GPR21: variants seen among roughly 807,000 people sequenced by gnomAD.
The protein encoded by GPR21 is G protein-coupled receptor 21.
A neutral mutation model predicts 21.5 loss-of-function variants in GPR21; 9 were observed. The ratio of observed to expected loss-of-function variants is 0.42; its 90% CI spans 0.25 to 0.73. GPR21 has a LOEUF of 0.73. GPR21 is among the 30% of genes least tolerant of loss of function. GPR21 has a pLI of 0.27. For missense variants in GPR21, 416 were observed against 428.9 expected (o/e 0.97, Z 0.27); for synonymous variants, 169 against 159.3 (o/e 1.06, Z -0.46).
chr9:123,045,898 C>T, the GPR21 span, among the ~76,000 whole-genome samples: 1 of 152,086 alleles, frequency 6.6e-6, no homozygotes, highest in African/African-American at 2.4e-5. Context: ...TACTTGGGGG[C>T]ATTGTAGGAA....
downstream of GPR21, among the ~76,000 whole-genome samples, chr9:123,038,674 A>C (rs2132012254): frequency 6.6e-6 from 1 of 152,156 alleles, no homozygotes; most frequent in Admixed American, 6.5e-5. Flanking sequence ...AGTCCTCATA[A>C]ATCATTTTGT....
chr9:123,035,765 C>T (rs971755715), downstream of GPR21: 6 of 547,146 alleles, frequency 1.1e-5, no homozygotes, highest in East Asian at 2.9e-5. Flanking sequence ...ACAAATTATT[C>T]GTATGGATAC....
At chr9:123,047,625 T>C in the GPR21 span, among the ~76,000 whole-genome samples, 3 of 152,144 alleles carry the variant, frequency 2.0e-5, no homozygotes, top group African/African-American at 7.2e-5. Context: ...GATTCTTCCA[T>C]AGAAAAATTA....
chr9:123,035,639 C>CGTGTGT (rs5900552), exon 2 of GPR21: 781 of 733,286 alleles, frequency 1.1e-3, 4 homozygotes, highest in African/African-American at 0.013. Flanking sequence ...ACGGGGTTCC[C>CGTGTGT]GTGTGTGTGT....
At chr9:123,048,089 A>G in the GPR21 span, among the ~76,000 whole-genome samples, 1 of 151,776 alleles carries the variant, frequency 6.6e-6, no homozygotes, top group Non-Finnish European at 1.5e-5. Context: ...ACAGGTGTGC[A>G]TCACCACGCC....
At chr9:123,045,551 T>G in the GPR21 span, among the ~76,000 whole-genome samples, 3 of 152,204 alleles carry the variant, frequency 2.0e-5, no homozygotes, top group Non-Finnish European at 2.9e-5. Flanking sequence ...TAAAACAAAA[T>G]GTAGATCCTA....
chr9:123,044,746 A>G, the GPR21 span, among the ~76,000 whole-genome samples: 1 of 152,098 alleles, frequency 6.6e-6, no homozygotes, highest in South Asian at 2.1e-4. Flanking sequence ...AATGCCATGT[A>G]GTGTTCAAAG....
At chr9:123,044,436 A>G in the GPR21 span, among the ~76,000 whole-genome samples, 9 of 152,216 alleles carry the variant, frequency 5.9e-5, no homozygotes, top group African/African-American at 1.9e-4. Context: ...CTCTTTTCCA[A>G]TTATGGGAAT....
chr9:123,037,456 A>G (rs2032722817), downstream of GPR21, among the ~76,000 whole-genome samples: 1 of 152,212 alleles, frequency 6.6e-6, no homozygotes, highest in Non-Finnish European at 1.5e-5. Context: ...ATTGCAAGTT[A>G]TGTTAGAAAT....
rs1039958352 is a variant in GPR21, at chr9:123,034,713, G to T, written c.147G>T (p.Val49=). 5.0e-6 allele frequency: 8 copies of T among 1,613,780 alleles called. No homozygotes were observed. The highest frequency in any genetic ancestry group is 1.7e-5 in the Admixed American group (1 of 60,014). ...TVLIISGNII[V]IFVFHCAPLL... is the part of the protein sequence containing the mutation. ...TGATTATTTCTGGCAACATCATTGTGATTTTTGTATTTCACTGTGCACCTT... is the reference window on the plus strand; with the variant it reads ...TGATTATTTCTGGCAACATCATTGTTATTTTTGTATTTCACTGTGCACCTT... Residue 49 remains valine, a synonymous_variant, in exon 2 of 2, where the codon GTG becomes GTT. Transcript: ENST00000616002.
chr9:123,034,712 T>A lies in GPR21; in HGVS notation c.146T>A (p.Val49Glu). 1 of 1,613,812 alleles carries A rather than the reference T, an allele frequency of 6.2e-7. No individual in the cohort carries two copies. The highest frequency in any genetic ancestry group is 8.5e-7 in the Non-Finnish European group (1 of 1,179,662). ...TTGATTATTTCTGGCAACATCATTGTGATTTTTGTATTTCACTGTGCACCT... is the reference window on the plus strand; with the variant it reads ...TTGATTATTTCTGGCAACATCATTGAGATTTTTGTATTTCACTGTGCACCT... Reference protein sequence around the residue: ...TVLIISGNIIVIFVFHCAPLL... With the variant: ...TVLIISGNIIEIFVFHCAPLL... Residue 49 changes from valine to glutamate, a missense_variant, in exon 2 of 2, where the codon GTG (valine) becomes GAG (glutamate). Physicochemically the swap from Val to Glu is moderately radical, Grantham distance 121. Coordinates refer to ENST00000616002, the MANE Select transcript of GPR21 (RefSeq NM_005294.3).
rs1181909315 is a variant in GPR21 at position 123,034,684 on chromosome 9, G to A, written c.118G>A (p.Val40Ile). Residue 40 changes from valine (V) to isoleucine (I), a missense_variant, in exon 2 of 2, where the codon GTA (valine) becomes ATA (isoleucine). Transcript: ENST00000616002. ...AGTATTGATTATTGTCTTTCTAACT[G>A]TATTGATTATTTCTGGCAACATCAT... is the stretch of plus-strand genomic sequence containing the variant. Reference protein sequence around the residue: ...LEVLIIVFLTVLIISGNIIVI... With the variant: ...LEVLIIVFLTILIISGNIIVI... 6.2e-7 allele frequency: 1 copy of A among 1,612,804 alleles called. No individual in the cohort carries two copies. Among genetic ancestry groups the A allele is most frequent in the Non-Finnish European group, 8.5e-7 (1 of 1,178,772 alleles).
the GPR21 span, among the ~76,000 whole-genome samples, chr9:123,047,358 GAAGATCAT>G: frequency 1.3e-5 from 2 of 152,122 alleles, no homozygotes; most frequent in Non-Finnish European, 2.9e-5. Context: ...AAATAAAATG[GAAGATCAT>G]AAGTTGTCTA....
chr9:123,034,645 T>A lies in GPR21; in HGVS notation c.79T>A (p.Phe27Ile). ...LAFGYLETVN[F>I]CLLEVLIIVF... Reference sequence around the variant, plus strand: ...ATTTGGCTATTTGGAAACTGTCAATTTTTGCCTTTTGGAAGTATTGATTAT... The same window carrying A: ...ATTTGGCTATTTGGAAACTGTCAATATTTGCCTTTTGGAAGTATTGATTAT... The change falls in exon 2 of 2, where the codon TTT (phenylalanine) becomes ATT (isoleucine). Residue 27 changes from phenylalanine (F) to isoleucine (I), a missense_variant. By Grantham distance (21) the Phe-to-Ile change is conservative. Transcript: ENST00000616002. 1 of 1,613,682 alleles carries A rather than the reference T, an allele frequency of 6.2e-7. No homozygotes were observed. The highest frequency in any genetic ancestry group is 1.1e-5 in the South Asian group (1 of 91,072).
chr9:123,046,544 G>A, the GPR21 span, among the ~76,000 whole-genome samples: 1 of 152,130 alleles, frequency 6.6e-6, no homozygotes, highest in Non-Finnish European at 1.5e-5. Context: ...GTACATAATC[G>A]TTCTAAGTCT....
the GPR21 span, among the ~76,000 whole-genome samples, chr9:123,042,659 C>G: frequency 6.6e-6 from 1 of 151,950 alleles, no homozygotes; most frequent in Non-Finnish European, 1.5e-5. Context: ...GGCAGAGAGA[C>G]AGAAAATAGA....
the GPR21 span, among the ~76,000 whole-genome samples, chr9:123,048,461 T>C: frequency 2.0e-5 from 3 of 152,220 alleles, no homozygotes; most frequent in African/African-American, 7.2e-5. Flanking sequence ...TTGCATGTTA[T>C]TAGTAGGTGA....
At chr9:123,047,466 A>G in the GPR21 span, among the ~76,000 whole-genome samples, 2 of 152,200 alleles carry the variant, frequency 1.3e-5, no homozygotes, top group African/African-American at 4.8e-5. Context: ...GCATTACTAC[A>G]TAGATACTAA....
At chr9:123,045,778 T>G in the GPR21 span, among the ~76,000 whole-genome samples, 1 of 152,180 alleles carries the variant, frequency 6.6e-6, no homozygotes, top group Non-Finnish European at 1.5e-5. Flanking sequence ...AGAGCATGGA[T>G]TTTTGGAGTC....
Sources: gnomAD v4.1 joint callset for allele counts (sites outside exome capture counted in the v4.1 genomes callset) on GRCh38, gnomAD v4.1.1 for gene constraint, MANE v1.5 for transcripts, NCBI Gene and HGNC (gene_info 2026-07-23, HGNC 2026-07-21) for gene names.